ZNF3: variants seen among roughly 807,000 people sequenced by gnomAD.
ZNF3 encodes the protein C2-H2 type zinc finger protein.
A neutral mutation model predicts 36.9 loss-of-function variants in ZNF3; 16 were observed. The observed-to-expected ratio is 0.43, with a 90% confidence interval of 0.29 to 0.66. The LOEUF is 0.66. ZNF3 is among the 30% of genes least tolerant of loss of function. The pLI is 0.13. For synonymous variants in ZNF3, 201 were observed against 201.9 expected (o/e 1.00, Z 0.04); for missense variants, 462 against 543.1 (o/e 0.85, Z 1.48).
At position 100,071,257 on chromosome 7, in the gene ZNF3, C is replaced by A. The variant is rs771066075; in HGVS notation, c.1227G>T (p.Ser409=). 1 of 1,614,130 alleles carries A rather than the reference C, an allele frequency of 6.2e-7. No individual in the cohort carries two copies. Among genetic ancestry groups the A allele is most frequent in the East Asian group, 2.2e-5 (1 of 44,890 alleles). The change falls in exon 6 of 6, where the codon TCG becomes TCT. Residue 409 remains serine, a synonymous_variant. Transcript: ENST00000299667. ...GAATTCTCTGATGGCGAACAAGAGC[C>A]GAGCTGTACCTGAAGGCTTTCCCAC... ...SECGKAFRYS[S]ALVRHQRIHT...
downstream of ZNF3, among the ~76,000 whole-genome samples, chr7:100,066,172 A>G (rs1306029095): frequency 6.6e-6 from 1 of 151,544 alleles, no homozygotes; most frequent in Non-Finnish European, 1.5e-5. Context: ...CTTCTCATCA[A>G]CTCTTGGGAT....
chr7:100,077,617 C>T (rs112193933), intron 2 of ZNF3, 184 bp from the exon 3 acceptor site: 320 of 380,840 alleles, frequency 8.4e-4, no homozygotes, highest in African/African-American at 5.9e-3. Flanking sequence ...AACAGGGTCT[C>T]GCTATATTGC....
At chr7:100,069,242 G>C (rs1792804067), downstream of ZNF3, among the ~76,000 whole-genome samples, 1 of 151,990 alleles carries the variant, frequency 6.6e-6, no homozygotes, top group South Asian at 2.1e-4. Context: ...ATAAGCATGA[G>C]CCACTGTACC....
downstream of ZNF3, among the ~76,000 whole-genome samples, chr7:100,068,438 C>G (rs1792756130): frequency 6.6e-6 from 1 of 151,820 alleles, no homozygotes; most frequent in South Asian, 2.1e-4. Context: ...CTTTCGGAGG[C>G]CGAGGCAGGC....
downstream of ZNF3, among the ~76,000 whole-genome samples, chr7:100,068,665 G>A (rs1047107354): frequency 4.0e-5 from 6 of 151,574 alleles, no homozygotes; most frequent in Admixed American, 3.9e-4. Context: ...AATCTATAAA[G>A]TAATTTCATT....
intron 2 of ZNF3, 144 bp downstream of exon 2, chr7:100,079,392 A>G (rs1794637925): frequency 6.6e-6 from 1 of 152,262 alleles, no homozygotes; most frequent in Admixed American, 6.5e-5. Context: ...TTCTCACAGA[A>G]AGAAAACTCT....
At chr7:100,068,240 C>T (rs889936376), downstream of ZNF3, among the ~76,000 whole-genome samples, 9 of 152,100 alleles carry the variant, frequency 5.9e-5, no homozygotes, top group Non-Finnish European at 2.9e-5. Flanking sequence ...GCATGTGCCA[C>T]CAAGCCTAAT....
chr7:100,070,967 GCTTT>G lies in ZNF3; in HGVS notation c.*172_*175del, dbSNP rs1793035737. 4 of 1,409,242 alleles carry G rather than the reference GCTTT, an allele frequency of 2.8e-6. No homozygotes were observed. Among genetic ancestry groups the G allele is most frequent in the South Asian group, 3.5e-5 (2 of 57,276 alleles). The allele number at this position is 1,409,242 out of a possible 1,614,324, so 87.3% of individuals were successfully genotyped here. A position where few individuals can be genotyped will look rare whatever the true frequency, so the allele number is the denominator to read the frequency against. ...CAGCACGCCATCCACTTGCCTTGAC[GCTTT>G]CTAAGGCTGGTGTGATTTCTGGGAA... is the stretch of plus-strand genomic sequence containing the variant. On this transcript the variant is annotated 3_prime_UTR_variant, in exon 6 of 6. Transcript: ENST00000299667.
chr7:100,077,626 G>A (rs1794332590), intron 2 of ZNF3, 193 bp from the exon 3 acceptor site: 4 of 323,026 alleles, frequency 1.2e-5, no homozygotes, highest in Non-Finnish European at 1.6e-5. Context: ...TCGCTATATT[G>A]CCCAGGCAGG....
exon 6 of ZNF3, chr7:100,064,185 C>T: frequency 6.2e-7 from 1 of 1,614,088 alleles, no homozygotes; most frequent in Non-Finnish European, 8.5e-7. Context: ...ACTTGGTGGA[C>T]CGGCCCTATG....
chr7:100,076,560 G>A (rs1794143662), intron 3 of ZNF3, among the ~76,000 whole-genome samples: 1 of 152,130 alleles, frequency 6.6e-6, no homozygotes, highest in Admixed American at 6.6e-5. Context: ...CCTAAGTGCT[G>A]GGATTACAGA....
At chr7:100,074,863 G>A (rs1047614252) in intron 5 of ZNF3, among the ~76,000 whole-genome samples, 7 of 151,966 alleles carry the variant, frequency 4.6e-5, no homozygotes, top group South Asian at 2.1e-4. Flanking sequence ...GTGAAACCCC[G>A]TCTCTACTAA....
downstream of ZNF3, among the ~76,000 whole-genome samples, chr7:100,069,391 A>T (rs1792810262): frequency 6.6e-6 from 1 of 152,084 alleles, no homozygotes; most frequent in African/African-American, 2.4e-5. Context: ...TCTCTACTAA[A>T]AATACAAAAA....
At chr7:100,073,586 A>C (rs1224647403) in intron 5 of ZNF3, among the ~76,000 whole-genome samples, 4 of 151,808 alleles carry the variant, frequency 2.6e-5, no homozygotes, top group Non-Finnish European at 5.9e-5. Flanking sequence ...TCCTGACCTC[A>C]GTATCTGCCC....
chr7:100,075,295 G>T, intron 4 of ZNF3, 34 bp from the exon 5 acceptor site: 1 of 1,613,782 alleles, frequency 6.2e-7, no homozygotes, highest in Non-Finnish European at 8.5e-7. Flanking sequence ...CAATTTCAGG[G>T]TGAGGAATGT....
intron 4 of ZNF3, 76 bp downstream of exon 4, chr7:100,075,466 C>G (rs1793933156): frequency 1.3e-6 from 2 of 1,569,440 alleles, no homozygotes; most frequent in South Asian, 1.1e-5. Flanking sequence ...TGGAGGAGAT[C>G]AGGGTTTAAA....
chr7:100,069,844 C>T (rs1323918069), downstream of ZNF3: 1 of 686,018 alleles, frequency 1.5e-6, no homozygotes, highest in East Asian at 1.3e-4. Context: ...AACTCCAGAC[C>T]TCAGGTGATC....
chr7:100,071,336 A>C lies in ZNF3; in HGVS notation c.1148T>G (p.Leu383Arg). 6.2e-7 allele frequency: 1 copy of C among 1,614,092 alleles called. No homozygotes were observed. Among genetic ancestry groups the C allele is most frequent in the Non-Finnish European group, 8.5e-7 (1 of 1,179,998 alleles). ...CGGKFTYSSG[L>R]IQHQRIHTGE... ...GGTGTGGATTCTTTGATGCTGAATA[A>C]GGCCTGAACTGTAGGTAAACTTTCC... Residue 383 changes from leucine to arginine, a missense_variant, in exon 6 of 6, where the codon CTT (leucine) becomes CGT (arginine). Leu to Arg is a moderately radical substitution (Grantham distance 102). Transcript: ENST00000299667.
downstream of ZNF3, among the ~76,000 whole-genome samples, chr7:100,069,012 G>C (rs1055526630): frequency 1.3e-5 from 2 of 150,976 alleles, no homozygotes; most frequent in African/African-American, 4.9e-5. Flanking sequence ...TTTTTTTTAG[G>C]AGAGAGAGCA....
Sources: gnomAD v4.1 joint callset for allele counts (sites outside exome capture counted in the v4.1 genomes callset) on GRCh38, gnomAD v4.1.1 for gene constraint, MANE v1.5 for transcripts, NCBI Gene and HGNC (gene_info 2026-07-23, HGNC 2026-07-21) for gene names.